KCNH1: variants seen among roughly 807,000 people sequenced by gnomAD.
KCNH1 encodes voltage-gated delayed rectifier potassium channel KCNH1.
KCNH1 carries 27 observed loss-of-function variants against 69.2 expected under a neutral mutation model. The ratio of observed to expected loss-of-function variants is 0.39; its 90% CI spans 0.29 to 0.54. The LOEUF is 0.54. Among genes scored for constraint, KCNH1 ranks in the 20% least tolerant of loss-of-function variants. The pLI is 0.68. For synonymous variants in KCNH1, 456 were observed against 487.7 expected, an observed-to-expected ratio of 0.93 and a Z score of 0.86; for missense variants, 798 against 1,261.6, an observed-to-expected ratio of 0.63 and a Z score of 5.57.
chr1:211,059,126 A>C (rs559543545), intron 5 of KCNH1, among the ~76,000 whole-genome samples: 11 of 151,924 alleles, frequency 7.2e-5, no homozygotes, highest in Admixed American at 5.2e-4. Flanking sequence ...TGAAAATACA[A>C]AAAACTAGCT....
intron 7 of KCNH1, among the ~76,000 whole-genome samples, chr1:210,805,282 T>A (rs899690568): frequency 1.3e-5 from 2 of 152,214 alleles, no homozygotes; most frequent in East Asian, 3.8e-4. Context: ...ACATTTTTGC[T>A]CTGGCTTTTC....
intron 10 of KCNH1, among the ~76,000 whole-genome samples, chr1:210,734,229 G>GTAGGC (rs1682816233): frequency 1.3e-5 from 2 of 152,176 alleles, no homozygotes; most frequent in Admixed American, 6.5e-5. Flanking sequence ...TTGATTTCAT[G>GTAGGC]AAAGGATTTC....
intron 7 of KCNH1, among the ~76,000 whole-genome samples, chr1:210,909,391 AAAC>A (rs1295550651): frequency 1.3e-5 from 2 of 152,238 alleles, no homozygotes; most frequent in Non-Finnish European, 2.9e-5. Flanking sequence ...ATTAATGAAC[AAAC>A]AACACACACA....
At chr1:211,050,734 A>G (rs1690188111) in intron 5 of KCNH1, among the ~76,000 whole-genome samples, 1 of 152,202 alleles carries the variant, frequency 6.6e-6, no homozygotes, top group South Asian at 2.1e-4. Context: ...TGTTGCTATC[A>G]TAATCAAGTC....
intron 9 of KCNH1, among the ~76,000 whole-genome samples, chr1:210,780,495 G>A (rs865943583): frequency 1.3e-5 from 2 of 152,218 alleles, no homozygotes; most frequent in Non-Finnish European, 2.9e-5. Flanking sequence ...AGGTGTAACA[G>A]TGGAACAGCA....
chr1:210,745,650 G>C lies in KCNH1; in HGVS notation c.2112+29698C>G, dbSNP rs547093815. The stretch of plus-strand genomic sequence containing the variant: ...TGTTTCAAATCACACTGGGGAACTA[G>C]CTTTTTCTACTATCCCAAAGTTGGT... On this transcript the variant is annotated intron_variant, in intron 10 of 10. Transcript: ENST00000271751. Among the ~76,000 whole-genome samples the C allele has an allele frequency of 4.6e-5, 7 of 152,304 alleles. No individual in the cohort carries two copies. In the East Asian group the frequency reaches 1.3e-3, roughly 29 times the overall value.
chr1:210,913,239 A>G (rs1331366318), intron 7 of KCNH1, among the ~76,000 whole-genome samples: 2 of 152,250 alleles, frequency 1.3e-5, no homozygotes, highest in African/African-American at 4.8e-5. Context: ...TAAATTGGAA[A>G]TGAAAGGCTT....
At chr1:210,856,495 C>A (rs1685840169) in intron 7 of KCNH1, among the ~76,000 whole-genome samples, 1 of 151,964 alleles carries the variant, frequency 6.6e-6, no homozygotes, top group African/African-American at 2.4e-5. Context: ...AACATTAAAG[C>A]TAAAGAACAC....
chr1:210,730,418 A>G (rs1373407365), intron 10 of KCNH1, among the ~76,000 whole-genome samples: 2 of 152,134 alleles, frequency 1.3e-5, no homozygotes, highest in Non-Finnish European at 2.9e-5. Context: ...AAGGAGTGAA[A>G]TGGCCCACAC....
chr1:210,841,790 C>G (rs558309555), intron 7 of KCNH1, among the ~76,000 whole-genome samples: 3 of 152,184 alleles, frequency 2.0e-5, no homozygotes, highest in African/African-American at 7.2e-5. Flanking sequence ...CCAATGAACC[C>G]TAATAAAGTA....
At chr1:210,904,745 T>A (rs780979641) in intron 7 of KCNH1, among the ~76,000 whole-genome samples, 1 of 152,198 alleles carries the variant, frequency 6.6e-6, no homozygotes, top group Non-Finnish European at 1.5e-5. Flanking sequence ...CCAGCAGTTA[T>A]TTATTCAGCA....
At chr1:210,708,127 T>C (rs1232789218) in intron 10 of KCNH1, among the ~76,000 whole-genome samples, 1 of 152,174 alleles carries the variant, frequency 6.6e-6, no homozygotes, top group Non-Finnish European at 1.5e-5. Flanking sequence ...GAATCCACTG[T>C]CTTATTCTCC....
chr1:210,913,933 G>C (rs1250471984), intron 7 of KCNH1, among the ~76,000 whole-genome samples: 1 of 152,106 alleles, frequency 6.6e-6, no homozygotes, highest in Non-Finnish European at 1.5e-5. Flanking sequence ...ATTCTCAAAA[G>C]TAAGGAGTAT....
At chr1:211,118,502 CT>C (rs1352508192) in intron 1 of KCNH1, among the ~76,000 whole-genome samples, 1 of 152,190 alleles carries the variant, frequency 6.6e-6, no homozygotes, top group Non-Finnish European at 1.5e-5. Flanking sequence ...TTTTTACCCC[CT>C]AAGGGTCTAT....
chr1:210,739,624 T>C (rs572043435), intron 10 of KCNH1, among the ~76,000 whole-genome samples: 72 of 152,368 alleles, frequency 4.7e-4, no homozygotes, highest in African/African-American at 1.7e-3. Context: ...AGGTCAGGGA[T>C]AAATAAGAGC....
At position 210,992,081 on chromosome 1, in the gene KCNH1, C is replaced by T. The variant is rs1272798492; in HGVS notation, c.1032+26702G>A. On this transcript the variant is annotated intron_variant, in intron 6 of 10. Coordinates refer to ENST00000271751, the MANE Select transcript of KCNH1 (RefSeq NM_172362.3). ...GGATCATTTCCTAGGCTGACAACAA[C>T]ACTAGTCACTAAATGCTAACAATGT... is the stretch of plus-strand genomic sequence containing the variant. Among the ~76,000 whole-genome samples, 3 of 152,196 alleles carry T rather than the reference C, an allele frequency of 2.0e-5. No individual in the cohort carries two copies. The East Asian group carries it at 5.8e-4, about 29-fold the overall frequency.
intron 3 of KCNH1, among the ~76,000 whole-genome samples, chr1:211,092,651 G>A (rs915638421): frequency 6.6e-6 from 1 of 152,032 alleles, no homozygotes; most frequent in Non-Finnish European, 1.5e-5. Flanking sequence ...ACTGTTTTTG[G>A]AAGTATGTAT....
chr1:210,855,922 T>C (rs1685825485), intron 7 of KCNH1, among the ~76,000 whole-genome samples: 1 of 152,168 alleles, frequency 6.6e-6, no homozygotes, highest in African/African-American at 2.4e-5. Flanking sequence ...AAGTAGGCAA[T>C]TAGCTTACTC....
At chr1:210,973,371 A>G (rs1408378435) in intron 6 of KCNH1, among the ~76,000 whole-genome samples, 1 of 152,168 alleles carries the variant, frequency 6.6e-6, no homozygotes, top group Non-Finnish European at 1.5e-5. Context: ...TCTAAGACAG[A>G]AATTCAAGGT....
Sources: allele counts gnomAD v4.1 joint callset (sites outside exome capture counted in the v4.1 genomes callset), GRCh38; gene constraint gnomAD v4.1.1; transcripts MANE v1.5; gene names NCBI Gene and HGNC (gene_info 2026-07-23, HGNC 2026-07-21).